Variants in RARB observed in about 807,000 individuals in gnomAD.
The protein encoded by RARB is HBV-activated protein.
Under a neutral mutation model 51.9 loss-of-function variants are expected in RARB, and 17 were observed. The observed-to-expected ratio is 0.33, with a 90% CI of 0.22 to 0.49. The LOEUF (loss-of-function observed/expected upper bound fraction) is 0.49. Ranked by LOEUF, RARB falls within the 20% of genes least tolerant of loss-of-function variation. RARB has a pLI of 0.99. For synonymous variants in RARB, 215 were observed against 195.4 expected, an observed-to-expected ratio of 1.10 and a Z score of -0.84; for missense variants, 369 against 550.8, an observed-to-expected ratio of 0.67 and a Z score of 3.30.
rs1010925766 is a variant in RARB at position 25,449,910 on chromosome 3, A to G, written c.158-11283A>G. On this transcript the variant is annotated intron_variant, in intron 1 of 7. Coordinates refer to ENST00000330688, the MANE Select transcript of RARB (RefSeq NM_000965.5). ...GAGATTACAGGCGCACGCCACCACA[A>G]ATTTTTTTTGTGTGTATTTTTAGTA... 5.3e-5 allele frequency among the ~76,000 whole-genome samples: 8 copies of G among 151,692 alleles called. No homozygotes were observed. In the East Asian group the frequency reaches 7.8e-4, roughly 15 times the overall value.
At chr3:25,259,203 G>A (rs1035337812) in intron 5 of RARB, 102 of 556,928 alleles carry the variant, frequency 1.8e-4, no homozygotes, top group East Asian at 2.9e-4. Flanking sequence ...GAGACATCTC[G>A]TTTCCACCAA....
intron 2 of RARB, among the ~76,000 whole-genome samples, chr3:24,961,275 T>C (rs1217097680): frequency 6.6e-6 from 1 of 152,240 alleles, no homozygotes; most frequent in African/African-American, 2.4e-5. Context: ...AGAATAGTTA[T>C]ACGGTAGTTC....
Position 25,365,661 on chromosome 3 carries a change from C to A in RARB, c.179-95532C>A, listed in dbSNP as rs149805734. Among the ~76,000 whole-genome samples the A allele has an allele frequency of 3.8e-3, 586 of 152,286 alleles. 2 individuals are homozygous for A. Among genetic ancestry groups the A allele is most frequent in the African/African-American group, 0.013 (553 of 41,562 alleles). On this transcript the variant is annotated intron_variant, in intron 5 of 11. Coordinates refer to the RARB transcript ENST00000383772. ...ACTTGAAGGCCAGATATTGAAATCACATGAAGGATTATTCATTTTCGTGTC... is the reference window on the plus strand; with the variant it reads ...ACTTGAAGGCCAGATATTGAAATCAAATGAAGGATTATTCATTTTCGTGTC...
rs375972156 is a variant in RARB at position 25,288,895 on chromosome 3, C to A, written c.178+114320C>A. Among the ~76,000 whole-genome samples, 4 of 152,110 alleles carry A rather than the reference C, an allele frequency of 2.6e-5. No individual in the cohort carries two copies. In the South Asian group the frequency reaches 6.2e-4, roughly 24 times the overall value. ...CCCTCCCTTTTATGCAAGTTTCAAC[C>A]AACAACTATTTTCCAAAAGGCAGAA... On this transcript the variant is annotated intron_variant, in intron 5 of 11. Transcript: ENST00000383772.
intron 2 of RARB, among the ~76,000 whole-genome samples, chr3:24,998,621 T>G (rs945926013): frequency 5.3e-5 from 8 of 152,184 alleles, no homozygotes; most frequent in African/African-American, 1.9e-4. Context: ...GAGTTATGTC[T>G]AGTTCAATAT....
chr3:25,193,633 C>A lies in RARB; in HGVS notation c.178+19058C>A, dbSNP rs575966002. Among the ~76,000 whole-genome samples, 6 of 152,076 alleles carry A rather than the reference C, an allele frequency of 3.9e-5. No homozygotes were observed. In the East Asian group the frequency reaches 7.7e-4, roughly 20 times the overall value. On this transcript the variant is annotated intron_variant, in intron 5 of 11. Transcript: ENST00000383772. The stretch of plus-strand genomic sequence containing the variant: ...TAGTATTTGTTCATCTTATTTGTTG[C>A]TGCTACACTGGAATATATTCTTTGC...
chr3:25,131,059 A>G (rs1166329975), intron 3 of RARB, among the ~76,000 whole-genome samples: 1 of 151,396 alleles, frequency 6.6e-6, no homozygotes, highest in East Asian at 1.9e-4. Context: ...ATTTATTATT[A>G]TTTCTTCCAA....
intron 4 of RARB, among the ~76,000 whole-genome samples, chr3:25,148,034 G>A (rs949856911): frequency 2.0e-5 from 3 of 152,240 alleles, no homozygotes; most frequent in African/African-American, 4.8e-5. Flanking sequence ...CTTGTCTACA[G>A]ACTACTGTTT....
intron 5 of RARB, among the ~76,000 whole-genome samples, chr3:25,591,790 G>A (rs1701624494): frequency 6.6e-6 from 1 of 152,134 alleles, no homozygotes; most frequent in Non-Finnish European, 1.5e-5. Context: ...TACAACAGAG[G>A]CGCTGCTGCA....
chr3:25,308,359 T>C (rs1434365344), intron 5 of RARB, among the ~76,000 whole-genome samples: 1 of 152,126 alleles, frequency 6.6e-6, no homozygotes, highest in Non-Finnish European at 1.5e-5. Context: ...TTTGCAGCCA[T>C]ACAGACTAGG....
Position 25,580,711 on chromosome 3 carries a change from C to T in RARB, c.775C>T (p.Leu259=). The T allele has an allele frequency of 6.2e-7, 1 of 1,603,604 alleles. No homozygotes were observed. Among genetic ancestry groups the T allele is most frequent in the Non-Finnish European group, 8.5e-7 (1 of 1,171,684 alleles). Residue 259 remains leucine (L), a synonymous_variant, in exon 5 of 8, where the codon CTG becomes TTG. Coordinates refer to ENST00000330688, the MANE Select transcript of RARB (RefSeq NM_000965.5). ...DQITLLKAAC[L]DILILRICTR... ...AATTACCCTGCTGAAGGCCGCCTGC[C>T]TGGACATCCTGGTATGTGCCTTTTT...
At chr3:25,402,275 G>T (rs1707284587) in intron 5 of RARB, among the ~76,000 whole-genome samples, 1 of 152,176 alleles carries the variant, frequency 6.6e-6, no homozygotes, top group South Asian at 2.1e-4. Flanking sequence ...ATTTGTTGAT[G>T]GTTTAGAAGT....
chr3:24,997,664 C>T (rs1056484593), intron 2 of RARB, among the ~76,000 whole-genome samples: 16 of 152,116 alleles, frequency 1.1e-4, no homozygotes, highest in African/African-American at 3.9e-4. Context: ...GTATTACAGG[C>T]GTGAGCCACT....
At chr3:25,445,815 T>G (rs564299167) in intron 1 of RARB, among the ~76,000 whole-genome samples, 8 of 152,352 alleles carry the variant, frequency 5.3e-5, no homozygotes, top group African/African-American at 1.9e-4. Flanking sequence ...TGTGTCATTT[T>G]GGACGTTGAA....
chr3:25,460,671 C>G (rs568481591), intron 1 of RARB, among the ~76,000 whole-genome samples: 1 of 152,104 alleles, frequency 6.6e-6, no homozygotes, highest in African/African-American at 2.4e-5. Flanking sequence ...TGGTCTCAAA[C>G]TCCTGACCTC....
intron 3 of RARB, among the ~76,000 whole-genome samples, chr3:25,534,571 G>A (rs1027982801): frequency 6.6e-6 from 1 of 152,154 alleles, no homozygotes; most frequent in East Asian, 1.9e-4. Flanking sequence ...TCCCTTATCA[G>A]TGGCTTTCCT....
intron 2 of RARB, among the ~76,000 whole-genome samples, chr3:24,934,379 GCT>G (rs1447563302): frequency 6.6e-6 from 1 of 152,104 alleles, no homozygotes; most frequent in Non-Finnish European, 1.5e-5. Context: ...GGTAAGAATA[GCT>G]CTTTTTCATG....
At chr3:25,007,684 A>C (rs367784296) in intron 2 of RARB, among the ~76,000 whole-genome samples, 4 of 151,890 alleles carry the variant, frequency 2.6e-5, no homozygotes, top group East Asian at 3.9e-4. Context: ...AGTTCTAATG[A>C]GTACTGCCTT....
Position 25,472,566 on chromosome 3 carries a change from A to G in RARB, c.306+11225A>G, listed in dbSNP as rs368224199. Among the ~76,000 whole-genome samples the G allele has an allele frequency of 1.0e-3, 157 of 152,290 alleles. 1 individual carries two copies. The highest frequency in any genetic ancestry group is 3.6e-3 in the African/African-American group (149 of 41,552). On this transcript the variant is annotated intron_variant, in intron 2 of 7. Coordinates refer to ENST00000330688, the MANE Select transcript of RARB (RefSeq NM_000965.5). ...GGTGGAATCGATTGTTTCCCCCTCC[A>G]TTTCACAGATGAGGAAACTAAGAAT...
Sources: gnomAD v4.1 joint callset for allele counts (sites outside exome capture counted in the v4.1 genomes callset) on GRCh38, gnomAD v4.1.1 for gene constraint, MANE v1.5 for transcripts, NCBI Gene and HGNC (gene_info 2026-07-23, HGNC 2026-07-21) for gene names.